CDA: variants seen among roughly 807,000 people sequenced by gnomAD.
CDA encodes the protein cytidine deaminase.
Under a neutral mutation model 15.0 loss-of-function variants are expected in CDA, and 7 were observed. The observed-to-expected ratio is 0.47, with a 90% CI of 0.26 to 0.87. CDA has a LOEUF of 0.87. Ranked by LOEUF, CDA falls within the 40% of genes least tolerant of loss-of-function variation. The pLI is 0.15. For synonymous variants in CDA, 58 were observed against 73.0 expected (o/e 0.79, Z 1.05); for missense variants, 159 against 182.7 (o/e 0.87, Z 0.75).
chr1:20,603,195 T>G (rs1272058516), intron 1 of CDA, among the ~76,000 whole-genome samples: 1 of 152,228 alleles, frequency 6.6e-6, no homozygotes, highest in Non-Finnish European at 1.5e-5. Context: ...TTTTTTTTGT[T>G]CAAGTTGCAT....
chr1:20,594,364 G>C (rs996016706), intron 1 of CDA, among the ~76,000 whole-genome samples: 10 of 152,110 alleles, frequency 6.6e-5, no homozygotes, highest in African/African-American at 2.4e-4. Flanking sequence ...ATTCGTGACT[G>C]CTTGTGGGGA....
intron 2 of CDA, among the ~76,000 whole-genome samples, chr1:20,612,110 G>T (rs1301065758): frequency 6.6e-6 from 1 of 151,852 alleles, no homozygotes; most frequent in Non-Finnish European, 1.5e-5. Context: ...TGATCCATCC[G>T]CCTCAGCCTC....
In CDA at chr1:20,613,406, C is replaced by T. The variant is rs140069715; in HGVS notation, c.267-436C>T. On this transcript the variant is annotated intron_variant, in intron 2 of 3. Transcript: ENST00000375071. Reference sequence around the variant, plus strand: ...TTTTAGTAAAGACGGTGTTTTACCACGTTGGCCAGGCTGGTCTCGAACTCC... The same window carrying T: ...TTTTAGTAAAGACGGTGTTTTACCATGTTGGCCAGGCTGGTCTCGAACTCC... Among the ~76,000 whole-genome samples the T allele has an allele frequency of 5.1e-3, 769 of 152,176 alleles. 5 individuals are homozygous for T. The highest frequency in any genetic ancestry group is 0.018 in the African/African-American group (731 of 41,536).
intron 2 of CDA, among the ~76,000 whole-genome samples, chr1:20,609,337 T>A (rs1372108838): frequency 1.3e-5 from 2 of 152,026 alleles, no homozygotes; most frequent in Non-Finnish European, 1.5e-5. Flanking sequence ...ACAAAAAAAA[T>A]TAACCAGGCG....
At chr1:20,592,798 T>C (rs1238788599) in intron 1 of CDA, among the ~76,000 whole-genome samples, 1 of 152,136 alleles carries the variant, frequency 6.6e-6, no homozygotes, top group Non-Finnish European at 1.5e-5. Flanking sequence ...GCATGGGCAG[T>C]GTTACAAATA....
At chr1:20,617,784 TC>T (rs1463126916) in intron 3 of CDA, among the ~76,000 whole-genome samples, 1 of 138,100 alleles carries the variant, frequency 7.2e-6, no homozygotes, top group African/African-American at 2.8e-5. Context: ...AACCTCTGCC[TC>T]CCGGGTTCCA....
At chr1:20,599,617 C>CAAAAT (rs57315099) in intron 1 of CDA, among the ~76,000 whole-genome samples, 1,464 of 108,022 alleles carry the variant, frequency 0.014, 66 homozygotes, top group East Asian at 0.028. Flanking sequence ...ACTCCGTCTC[C>CAAAAT]AAAATAAAAT....
Position 20,600,030 on chromosome 1 carries a change from G to A in CDA, c.155-4898G>A, listed in dbSNP as rs114553996. Among the ~76,000 whole-genome samples the A allele has an allele frequency of 5.8e-3, 889 of 152,264 alleles. 14 individuals are homozygous for A. The highest frequency in any genetic ancestry group is 0.02 in the African/African-American group (838 of 41,550). On this transcript the variant is annotated intron_variant, in intron 1 of 3. Coordinates refer to ENST00000375071, the MANE Select transcript of CDA (RefSeq NM_001785.3). ...AACCTAATGGAACCTCTTTCTACAGGGTGCTGTTTGAGTAGTGGGGCATGT... is the reference window on the plus strand; with the variant it reads ...AACCTAATGGAACCTCTTTCTACAGAGTGCTGTTTGAGTAGTGGGGCATGT...
At position 20,618,540 on chromosome 1, in the gene CDA, G is replaced by A; in HGVS notation, c.413G>A (p.Gly138Glu). Residue 138 changes from glycine (G) to glutamate (E), a missense_variant, in exon 4 of 4, where the codon GGG becomes GAG. Gly to Glu is a moderately conservative substitution (Grantham distance 98). Coordinates refer to ENST00000375071, the MANE Select transcript of CDA (RefSeq NM_001785.3). ...TVQELLPSSF[G>E]PEDLQKTQ ...CAGGAGCTGCTGCCCTCCTCCTTTGGGCCTGAGGACCTGCAGAAGACCCAG... is the reference window on the plus strand; with the variant it reads ...CAGGAGCTGCTGCCCTCCTCCTTTGAGCCTGAGGACCTGCAGAAGACCCAG... 3 of 1,612,166 alleles carry A rather than the reference G, an allele frequency of 1.9e-6. No individual in the cohort carries two copies. The highest frequency in any genetic ancestry group is 1.1e-5 in the South Asian group (1 of 91,032).
chr1:20,596,756 C>CTTTTTTTT (rs61288769), intron 1 of CDA, among the ~76,000 whole-genome samples: 1 of 101,118 alleles, frequency 9.9e-6, no homozygotes, highest in Non-Finnish European at 1.9e-5. Flanking sequence ...CTGTTGATGT[C>CTTTTTTTT]TTTTTTTTTT....
chr1:20,602,684 T>A (rs1204719902), intron 1 of CDA, among the ~76,000 whole-genome samples: 1 of 151,976 alleles, frequency 6.6e-6, no homozygotes, highest in African/African-American at 2.4e-5. Context: ...CCTCCCAAAG[T>A]GCTGGGATTA....
Position 20,618,441 on chromosome 1 carries a change from C to T in CDA, c.325-11C>T, listed in dbSNP as rs761929422. 41 of 1,568,192 alleles carry T rather than the reference C, an allele frequency of 2.6e-5. No homozygotes were observed. The highest frequency in any genetic ancestry group is 3.4e-5 in the Admixed American group (2 of 59,358). On this transcript the variant is annotated splice_polypyrimidine_tract_variant and intron_variant, in intron 3 of 3. Coordinates refer to ENST00000375071, the MANE Select transcript of CDA (RefSeq NM_001785.3). ...GCTGTGTCTCTCACGCCAGCTTTGC[C>T]TCTTTTCCAGTTTGGCACCAACTGG... is the stretch of plus-strand genomic sequence containing the variant.
intron 1 of CDA, among the ~76,000 whole-genome samples, chr1:20,599,112 C>G (rs1284612491): frequency 6.6e-6 from 1 of 151,878 alleles, no homozygotes; most frequent in Non-Finnish European, 1.5e-5. Context: ...TGAGCAGAGC[C>G]CTGAGTAGGG....
Position 20,589,217 on chromosome 1 carries a change from T to G in CDA, c.88T>G (p.Tyr30Asp). ...CTCCCAGGAGGCCAAGAAGTCAGCC[T>G]ACTGCCCCTACAGTCACTTTCCTGT... ...VCSQEAKKSA[Y>D]CPYSHFPVGA... The change falls in exon 1 of 4, where the codon TAC (tyrosine) becomes GAC (aspartate). Residue 30 changes from tyrosine (Y) to aspartate (D), a missense_variant. Transcript: ENST00000375071. 1 of 1,613,834 alleles carries G rather than the reference T, an allele frequency of 6.2e-7. No homozygotes were observed. The highest frequency in any genetic ancestry group is 8.5e-7 in the Non-Finnish European group (1 of 1,179,790).
intron 2 of CDA, among the ~76,000 whole-genome samples, chr1:20,612,619 T>G (rs1382007899): frequency 6.6e-6 from 1 of 152,096 alleles, no homozygotes; most frequent in African/African-American, 2.4e-5. Context: ...CTTTGCAGAC[T>G]CAGCCTGCCT....
At chr1:20,597,171 G>A (rs1489890339) in intron 1 of CDA, among the ~76,000 whole-genome samples, 1 of 152,116 alleles carries the variant, frequency 6.6e-6, no homozygotes, top group Non-Finnish European at 1.5e-5. Flanking sequence ...GAGTCTGGCC[G>A]GGCGCCGTGG....
chr1:20,595,530 G>A (rs1000667811), intron 1 of CDA, among the ~76,000 whole-genome samples: 35 of 152,102 alleles, frequency 2.3e-4, no homozygotes, highest in Admixed American at 2.3e-3. Flanking sequence ...TCTAACCTGG[G>A]TCTTCAGCTT....
chr1:20,594,827 G>C (rs1293730453), intron 1 of CDA, among the ~76,000 whole-genome samples: 1 of 151,418 alleles, frequency 6.6e-6, no homozygotes, highest in Non-Finnish European at 1.5e-5. Flanking sequence ...AGAAAAGAAA[G>C]AAAGCAAAGA....
At chr1:20,597,991 A>C (rs995502150) in intron 1 of CDA, among the ~76,000 whole-genome samples, 4 of 151,684 alleles carry the variant, frequency 2.6e-5, no homozygotes, top group African/African-American at 4.8e-5. Flanking sequence ...AGCATCTAGA[A>C]CTGAAGTGGA....
Sources: gnomAD v4.1 joint callset for allele counts (sites outside exome capture counted in the v4.1 genomes callset) on GRCh38, gnomAD v4.1.1 for gene constraint, MANE v1.5 for transcripts, NCBI Gene and HGNC (gene_info 2026-07-23, HGNC 2026-07-21) for gene names.